MAP3K19: variants seen among roughly 807,000 people sequenced by gnomAD.
MAP3K19 encodes mitogen-activated protein kinase kinase kinase 19.
MAP3K19 carries 91 observed loss-of-function variants against 114.4 expected under a neutral mutation model. The ratio of observed to expected loss-of-function variants is 0.80; its 90% confidence interval spans 0.67 to 0.95. The LOEUF is 0.95. Among genes scored for constraint, MAP3K19 ranks in the 40% least tolerant of loss-of-function variants. The pLI is 0.00. For synonymous variants in MAP3K19, 518 were observed against 530.5 expected (o/e 0.98, Z 0.32); for missense variants, 1,471 against 1,573.2 (o/e 0.94, Z 1.10).
At chr2:135,033,525 G>T (rs1465111134) in intron 2 of MAP3K19, among the ~76,000 whole-genome samples, 1 of 99,844 alleles carries the variant, frequency 1.0e-5, no homozygotes, top group East Asian at 3.3e-4. Context: ...AGGGGCAGCC[G>T]GGCAGAGGCG....
At chr2:135,004,681 C>T (rs746605939) in intron 6 of MAP3K19, among the ~76,000 whole-genome samples, 2 of 152,358 alleles carry the variant, frequency 1.3e-5, no homozygotes, top group East Asian at 3.9e-4. Context: ...AGGCGAGAAT[C>T]TGCAAATACC....
Position 134,998,728 on chromosome 2 carries a change from T to C in MAP3K19, c.574+10A>G. On this transcript the variant is annotated intron_variant, in intron 8 of 12. Transcript: ENST00000392915. ...AAAGGACTCACTGTGGAATTCAATG[T>C]TCAACTTACCTTCAGATTTTCTTTG... 4 of 1,592,280 alleles carry C rather than the reference T, an allele frequency of 2.5e-6. No individual in the cohort carries two copies. Among genetic ancestry groups the C allele is most frequent in the Non-Finnish European group, 3.4e-6 (4 of 1,170,096 alleles).
intron 12 of MAP3K19, among the ~76,000 whole-genome samples, chr2:134,971,524 T>G (rs938103847): frequency 9.9e-5 from 15 of 152,228 alleles, no homozygotes; most frequent in African/African-American, 3.6e-4. Flanking sequence ...ATGAGTTTGG[T>G]AGAATATGGC....
intron 12 of MAP3K19, among the ~76,000 whole-genome samples, chr2:134,975,145 G>C (rs553581445): frequency 6.6e-6 from 1 of 152,316 alleles, no homozygotes; most frequent in African/African-American, 2.4e-5. Context: ...ATGGGCACTA[G>C]TGTTAGTGGG....
intron 10 of MAP3K19, among the ~76,000 whole-genome samples, chr2:134,984,384 A>G (rs1169622035): frequency 1.3e-5 from 2 of 152,116 alleles, no homozygotes; most frequent in African/African-American, 4.8e-5. Flanking sequence ...TCATGCACAC[A>G]TATATATCAT....
At chr2:134,972,122 T>A (rs1362561691) in intron 12 of MAP3K19, among the ~76,000 whole-genome samples, 5 of 152,104 alleles carry the variant, frequency 3.3e-5, no homozygotes, top group South Asian at 2.1e-4. Flanking sequence ...TTAATTATTT[T>A]AAAATGTACA....
chr2:135,001,278 G>A (rs1330683205), intron 6 of MAP3K19, among the ~76,000 whole-genome samples: 1 of 152,148 alleles, frequency 6.6e-6, no homozygotes. Context: ...TTTCTCAAAG[G>A]AGACAACTTG....
Position 134,964,726 on chromosome 2 carries a change from G to A in MAP3K19, c.*124C>T. On this transcript the variant is annotated 3_prime_UTR_variant, in exon 13 of 13. Coordinates refer to ENST00000392915, the MANE Select transcript of MAP3K19 (RefSeq NM_025052.5). The stretch of plus-strand genomic sequence containing the variant: ...CAACTTTCAGTTAATGACTCCATAG[G>A]ATCTGCTTAAACTGGGTTAGACTGA... The A allele has an allele frequency of 4.5e-6, 3 of 671,244 alleles. No homozygotes were observed. The highest frequency in any genetic ancestry group is 2.1e-5 in the South Asian group (1 of 47,926). 41.6% of individuals were successfully genotyped at this position (671,244 alleles called of 1,614,324 possible).
At chr2:134,974,804 A>G (rs983770654) in intron 12 of MAP3K19, among the ~76,000 whole-genome samples, 1 of 152,194 alleles carries the variant, frequency 6.6e-6, no homozygotes, top group Admixed American at 6.5e-5. Context: ...GAATTGGCAC[A>G]TGTGGTATAA....
rs371765824 is a variant in MAP3K19, at chr2:135,003,324, C to T, written c.235+2111G>A. 2.1e-4 allele frequency among the ~76,000 whole-genome samples: 32 copies of T among 152,300 alleles called. No individual in the cohort carries two copies. The South Asian group carries it at 5.6e-3, about 27-fold the overall frequency. ...TGGTTTTTCAATGGTATATGAACTTCCTAATATCTTTCAAAATTCCCTTCC... is the reference window on the plus strand; with the variant it reads ...TGGTTTTTCAATGGTATATGAACTTTCTAATATCTTTCAAAATTCCCTTCC... On this transcript the variant is annotated intron_variant, in intron 6 of 12. Transcript: ENST00000392915.
chr2:134,994,930 A>G (rs192348641), intron 8 of MAP3K19, among the ~76,000 whole-genome samples: 10 of 152,360 alleles, frequency 6.6e-5, no homozygotes, highest in African/African-American at 2.4e-4. Context: ...GAAGAATTAG[A>G]GACAACAAAC....
Position 134,999,004 on chromosome 2 carries a change from G to A in MAP3K19, c.315-7C>T, listed in dbSNP as rs763228846. 1.2e-6 allele frequency: 2 copies of A among 1,605,906 alleles called. No homozygotes were observed. The highest frequency in any genetic ancestry group is 2.2e-5 in the East Asian group (1 of 44,826). On this transcript the variant is annotated splice_region_variant and splice_polypyrimidine_tract_variant and intron_variant, in intron 7 of 12. Transcript: ENST00000392915. This position sits in a 1 kb window ranked among gnomAD's most constrained non-coding sequence, Gnocchi z 4.1. ...AAGCGATGAGTTTATCAGACTAAAG[G>A]GGGAGGGAAATGTTTGATTTAAAAC...
rs565161615 is a variant in MAP3K19 at position 134,986,232 on chromosome 2, T to C, written c.2640A>G (p.Lys880=). The stretch of plus-strand genomic sequence containing the variant: ...TAGTTAAAATTCGGCTGGCATTTAC[T>C]TTACTAAGAGATGCTGTATTCTGCT... ...QEKQNTASLS[K]VNASRILTND... Residue 880 remains lysine, a synonymous_variant, in exon 10 of 13, where the codon AAA becomes AAG. Coordinates refer to ENST00000392915, the MANE Select transcript of MAP3K19 (RefSeq NM_025052.5). 1.5e-4 allele frequency: 237 copies of C among 1,614,076 alleles called. 4 individuals are homozygous for C. In the South Asian group the frequency reaches 2.3e-3, roughly 15 times the overall value.
At chr2:134,969,366 GGGGAGAGGGAGACGAGA>G (rs1177240445) in intron 12 of MAP3K19, among the ~76,000 whole-genome samples, 3 of 151,990 alleles carry the variant, frequency 2.0e-5, no homozygotes, top group Non-Finnish European at 4.4e-5. Context: ...GGGAGACCGT[GGGGAGAGGGAGACGAGA>G]GGGAGAGGGA....
intron 8 of MAP3K19, among the ~76,000 whole-genome samples, chr2:134,994,161 C>T (rs1481192720): frequency 6.6e-6 from 1 of 152,092 alleles, no homozygotes; most frequent in Non-Finnish European, 1.5e-5. Flanking sequence ...AATAAAAACA[C>T]CCAAATGATA....
chr2:135,033,811 TG>T (rs1688456059), intron 2 of MAP3K19, among the ~76,000 whole-genome samples: 2 of 638 alleles, frequency 3.1e-3, no homozygotes, highest in Non-Finnish European at 2.9e-3. Flanking sequence ...ACGGGGTGGC[TG>T]GCCGGGCGGG....
At chr2:135,010,981 G>A (rs564022411) in intron 5 of MAP3K19, among the ~76,000 whole-genome samples, 6 of 151,996 alleles carry the variant, frequency 3.9e-5, no homozygotes, top group Non-Finnish European at 8.8e-5. Context: ...AAGATGACTG[G>A]GCGAGTCTAT....
intron 2 of MAP3K19, among the ~76,000 whole-genome samples, chr2:135,039,119 CTTTCTTTT>C (rs1378564572): frequency 3.0e-5 from 3 of 98,946 alleles, no homozygotes; most frequent in African/African-American, 8.6e-5. Flanking sequence ...CATTAATTTT[CTTTCTTTT>C]TTTTTTTTTT....
In MAP3K19 at chr2:134,987,673, G is replaced by A. The variant is rs766548712; in HGVS notation, c.1199C>T (p.Ser400Leu). The stretch of plus-strand genomic sequence containing the variant: ...TTCATCCTGGCTTGGAGTTATTTCT[G>A]AATGCTGGGTTTCTTGGAACTTGCT... ...IPSKFQETQH[S>L]EITPSQDEEM... The change falls in exon 10 of 13, where the codon TCA (serine) becomes TTA (leucine). Residue 400 changes from serine (S) to leucine (L), a missense_variant. Coordinates refer to ENST00000392915, the MANE Select transcript of MAP3K19 (RefSeq NM_025052.5). 6.2e-7 allele frequency: 1 copy of A among 1,613,782 alleles called. No individual in the cohort carries two copies. The highest frequency in any genetic ancestry group is 1.7e-5 in the Admixed American group (1 of 60,014).
Sources: gnomAD v4.1 joint callset for allele counts (sites outside exome capture counted in the v4.1 genomes callset) on GRCh38, gnomAD v4.1.1 for gene constraint, Gnocchi (gnomAD v3.1) non-coding constraint, MANE v1.5 for transcripts, NCBI Gene and HGNC (gene_info 2026-07-23, HGNC 2026-07-21) for gene names.